The following SMOC1 variants were observed in gnomAD, a reference collection of about 807,000 sequenced individuals.
SMOC1 encodes SPARC related modular calcium binding 1, also known as SPARC-related modular calcium-binding protein 1.
In SMOC1, 22 loss-of-function variants were observed where a neutral mutation model predicts 56.3. The observed-to-expected ratio is 0.39, with a 90% CI of 0.28 to 0.56. The LOEUF (loss-of-function observed/expected upper bound fraction) is 0.56. Ranked by LOEUF, SMOC1 falls within the 20% of genes least tolerant of loss-of-function variation. The pLI, the probability that SMOC1 is intolerant of heterozygous loss-of-function variation, is 0.61. For missense variants in SMOC1, 509 were observed against 565.4 expected (o/e 0.90, Z 1.01); for synonymous variants, 193 against 215.0 (o/e 0.90, Z 0.89).
At chr14:70,022,564 G>T (rs1220946077) in intron 10 of SMOC1, among the ~76,000 whole-genome samples, 2 of 152,264 alleles carry the variant, frequency 1.3e-5, no homozygotes, top group Non-Finnish European at 2.9e-5. Context: ...TTCTGTTGGT[G>T]TCTGACCCAG....
At chr14:70,006,249 A>C (rs570753427) in intron 7 of SMOC1, among the ~76,000 whole-genome samples, 1 of 152,332 alleles carries the variant, frequency 6.6e-6, no homozygotes, top group East Asian at 1.9e-4. Flanking sequence ...AGTGAGGATA[A>C]GAAGAACACT....
chr14:69,889,019 G>A (rs947650328), intron 1 of SMOC1, among the ~76,000 whole-genome samples: 9 of 152,168 alleles, frequency 5.9e-5, no homozygotes, highest in African/African-American at 2.2e-4. Flanking sequence ...TTTTATAACT[G>A]CACTGTCCAA....
At chr14:69,956,286 A>C (rs1883182320) in intron 3 of SMOC1, among the ~76,000 whole-genome samples, 1 of 152,192 alleles carries the variant, frequency 6.6e-6, no homozygotes, top group Admixed American at 6.5e-5. Flanking sequence ...TCCCAGCTAC[A>C]GTGATTGAAA....
intron 1 of SMOC1, among the ~76,000 whole-genome samples, chr14:69,897,703 T>C (rs1461391503): frequency 2.6e-5 from 4 of 152,192 alleles, no homozygotes; most frequent in African/African-American, 9.7e-5. Flanking sequence ...GTATTCCTAA[T>C]TCCTCTCTCC....
chr14:69,923,859 G>A (rs1047490330), intron 1 of SMOC1, among the ~76,000 whole-genome samples: 9 of 152,230 alleles, frequency 5.9e-5, no homozygotes, highest in Non-Finnish European at 1.2e-4. Flanking sequence ...AAGTAAAGAT[G>A]TGGTGCCTGG....
Position 69,886,002 on chromosome 14 carries a change from G to C in SMOC1, c.99+6225G>C, listed in dbSNP as rs1461834561. 21 of 1,585,954 alleles carry C rather than the reference G, an allele frequency of 1.3e-5. 1 individual carries two copies. The highest frequency in any genetic ancestry group is 2.7e-5 in the African/African-American group (2 of 74,536). On this transcript the variant is annotated intron_variant, in intron 1 of 11. Transcript: ENST00000361956. ...ACAAAGCGGGTGAGGTCTCTTTTGG[G>C]CTGGATGTCCTGTCCAATGCCAAAA...
At chr14:70,015,898 G>A (rs1885493193) in intron 10 of SMOC1, among the ~76,000 whole-genome samples, 1 of 152,130 alleles carries the variant, frequency 6.6e-6, no homozygotes, top group African/African-American at 2.4e-5. Context: ...TATGTTTTAT[G>A]TTTATATTTA....
intron 1 of SMOC1, among the ~76,000 whole-genome samples, chr14:69,910,947 T>C (rs190747244): frequency 6.6e-6 from 1 of 152,318 alleles, no homozygotes; most frequent in African/African-American, 2.4e-5. Context: ...GAGACTGTTA[T>C]AAGCTATAGA....
chr14:69,978,014 C>T, intron 5 of SMOC1, 49 bp downstream of exon 5: 2 of 1,511,864 alleles, frequency 1.3e-6, no homozygotes, highest in Non-Finnish European at 1.8e-6. Flanking sequence ...CAAAGGTGGT[C>T]CAAGCAGGAT....
intron 3 of SMOC1, among the ~76,000 whole-genome samples, chr14:69,973,601 C>T (rs1175932159): frequency 6.6e-6 from 1 of 152,150 alleles, no homozygotes; most frequent in East Asian, 1.9e-4. Flanking sequence ...ACCAGAAGAC[C>T]CGAGCAGGGT....
At chr14:69,950,065 CTATCTGGA>C (rs1392642651) in intron 1 of SMOC1, among the ~76,000 whole-genome samples, 1 of 152,244 alleles carries the variant, frequency 6.6e-6, no homozygotes, top group Admixed American at 6.5e-5. Flanking sequence ...TCATGAGACA[CTATCTGGA>C]TATTTCCCTT....
intron 1 of SMOC1, among the ~76,000 whole-genome samples, chr14:69,928,587 C>G (rs1212214908): frequency 6.7e-6 from 1 of 148,812 alleles, no homozygotes; most frequent in Non-Finnish European, 1.5e-5. Flanking sequence ...CTTGGGGTTT[C>G]TATGTGCACT....
intron 8 of SMOC1, 55 bp downstream of exon 8, chr14:70,011,001 G>A: frequency 6.3e-7 from 1 of 1,597,100 alleles, no homozygotes; most frequent in South Asian, 1.1e-5. Flanking sequence ...TGTTATCCAT[G>A]CTGGCATCTC....
chr14:69,998,725 C>A (rs1476220520), intron 7 of SMOC1, among the ~76,000 whole-genome samples: 1 of 152,202 alleles, frequency 6.6e-6, no homozygotes, highest in African/African-American at 2.4e-5. Context: ...CTCTGTGCAG[C>A]AAAGTAATGC....
At chr14:70,025,958 A>G (rs1045707082) in intron 11 of SMOC1, among the ~76,000 whole-genome samples, 3 of 152,334 alleles carry the variant, frequency 2.0e-5, no homozygotes, top group Middle Eastern at 3.4e-3. Context: ...CAATACTACT[A>G]TTCTTCTTTG....
At chr14:69,988,032 A>C (rs1884429522) in intron 5 of SMOC1, among the ~76,000 whole-genome samples, 1 of 152,142 alleles carries the variant, frequency 6.6e-6, no homozygotes, top group African/African-American at 2.4e-5. Flanking sequence ...TGATCAAATC[A>C]CTTACTTGCA....
At chr14:69,974,109 A>G (rs1165681663) in intron 3 of SMOC1, among the ~76,000 whole-genome samples, 2 of 152,230 alleles carry the variant, frequency 1.3e-5, no homozygotes, top group Admixed American at 6.5e-5. Context: ...ATCACCTACA[A>G]TGAATGTCAG....
At chr14:69,943,079 G>A (rs749645019) in intron 1 of SMOC1, among the ~76,000 whole-genome samples, 3 of 152,146 alleles carry the variant, frequency 2.0e-5, no homozygotes, top group Non-Finnish European at 4.4e-5. Context: ...CTCCCTTGGG[G>A]AGGGGGTGGT....
intron 3 of SMOC1, among the ~76,000 whole-genome samples, chr14:69,962,607 C>T (rs1883424680): frequency 6.6e-6 from 1 of 151,614 alleles, no homozygotes; most frequent in African/African-American, 2.4e-5. Context: ...GAGAAGGTCT[C>T]ACTCTGTCAC....
Sources: gnomAD v4.1 joint callset for allele counts (sites outside exome capture counted in the v4.1 genomes callset) on GRCh38, gnomAD v4.1.1 for gene constraint, MANE v1.5 for transcripts, NCBI Gene and HGNC (gene_info 2026-07-23, HGNC 2026-07-21) for gene names.